Variants in FAM78A observed in about 807,000 individuals in gnomAD.
FAM78A encodes the protein protein FAM78A.
A neutral mutation model predicts 22.6 loss-of-function variants in FAM78A; 12 were observed. That is an observed-to-expected ratio of 0.53 (90% CI 0.34 to 0.86). FAM78A has a LOEUF of 0.86. FAM78A is among the 40% of genes least tolerant of loss of function. The pLI is 0.02. For synonymous variants in FAM78A, 151 were observed against 155.8 expected (o/e 0.97, Z 0.23); for missense variants, 322 against 396.1 (o/e 0.81, Z 1.59).
At chr9:131,268,300 T>G (rs1190571063) in intron 1 of FAM78A, among the ~76,000 whole-genome samples, 1 of 152,078 alleles carries the variant, frequency 6.6e-6, no homozygotes, top group Non-Finnish European at 1.5e-5. Context: ...TGGACAGGCA[T>G]CCTGGGTTCC....
At position 131,260,876 on chromosome 9, in the gene FAM78A, C is replaced by T; in HGVS notation, c.798G>A (p.Met266Ile). ...GCGGCTGCCCGTACTTGGGCCGCCACATGAGGACCTGGGCATCGTTGGCAT... is the reference window on the plus strand; with the variant it reads ...GCGGCTGCCCGTACTTGGGCCGCCATATGAGGACCTGGGCATCGTTGGCAT... ...KPNANDAQVL[M>I]WRPKYGQPLV... is the part of the protein sequence containing the mutation. The change falls in exon 2 of 2, where the codon ATG (methionine) becomes ATA (isoleucine). Residue 266 changes from methionine to isoleucine, a missense_variant. By Grantham distance (10) the Met-to-Ile change is conservative. Transcript: ENST00000372271. The surrounding 1 kb of genome is among the most constrained non-coding windows in gnomAD (Gnocchi z 5.4). 1 of 1,538,678 alleles carries T rather than the reference C, an allele frequency of 6.5e-7. No individual in the cohort carries two copies. Among genetic ancestry groups the T allele is most frequent in the South Asian group, 1.3e-5 (1 of 78,726 alleles).
Position 131,275,865 on chromosome 9 carries a change from C to T in FAM78A, c.315G>A (p.Glu105=), listed in dbSNP as rs1027314827. 6.3e-7 allele frequency: 1 copy of T among 1,589,060 alleles called. No homozygotes were observed. Among genetic ancestry groups the T allele is most frequent in the African/African-American group, 1.3e-5 (1 of 74,718 alleles). ...CTCTCGGCCGTACTCACATGCCCTG[C>T]TCGCCGTACTGGTTGTAGAACTCCA... ...SHMEFYNQYG[E]QGMSSWELPD... The change falls in exon 1 of 2, where the codon GAG becomes GAA. Residue 105 remains glutamate (E), a synonymous_variant. Transcript: ENST00000372271. This position sits in a 1 kb window ranked among gnomAD's most constrained non-coding sequence, Gnocchi z 4.6.
Position 131,261,044 on chromosome 9 carries a change from G to A in FAM78A, c.630C>T (p.His210=), listed in dbSNP as rs755790349. The stretch of plus-strand genomic sequence containing the variant: ...CCTCGATGCTGAGCTGCATGCGCCA[G>A]TGCAGCGTCTGCAGGATGATCATGT... ...TNDMIILQTL[H]WRMQLSIEVN... is the part of the protein sequence containing the mutation. The change falls in exon 2 of 2, where the codon CAC becomes CAT. Residue 210 remains histidine (H), a synonymous_variant. Transcript: ENST00000372271. The surrounding 1 kb of genome is among the most constrained non-coding windows in gnomAD (Gnocchi z 7.1). 5.0e-6 allele frequency: 8 copies of A among 1,614,008 alleles called. No individual in the cohort carries two copies. In the South Asian group the frequency reaches 7.7e-5, roughly 16 times the overall value.
upstream of FAM78A, among the ~76,000 whole-genome samples, chr9:131,278,085 C>G (rs997429564): frequency 3.4e-5 from 5 of 149,110 alleles, no homozygotes; most frequent in African/African-American, 9.7e-5. Context: ...TCCTCCTCCC[C>G]GCCCGCCTGG....
chr9:131,273,333 T>G (rs1296912790), intron 1 of FAM78A, among the ~76,000 whole-genome samples: 2 of 152,142 alleles, frequency 1.3e-5, no homozygotes, highest in African/African-American at 4.8e-5. Context: ...AAGCCGCCCC[T>G]CCCAGGAAGC....
chr9:131,267,960 G>A (rs352966), intron 1 of FAM78A, among the ~76,000 whole-genome samples: 102 of 151,302 alleles, frequency 6.7e-4, no homozygotes, highest in African/African-American at 2.4e-3. Context: ...GTTGAGGCAG[G>A]AGAATGGCAT....
At chr9:131,270,840 T>C (rs1835410400) in intron 1 of FAM78A, among the ~76,000 whole-genome samples, 1 of 152,288 alleles carries the variant, frequency 6.6e-6, no homozygotes, top group African/African-American at 2.4e-5. Context: ...TCTTAGAAGC[T>C]GTGACCACAT....
intron 1 of FAM78A, among the ~76,000 whole-genome samples, chr9:131,269,812 G>A (rs1407704436): frequency 2.0e-5 from 3 of 152,038 alleles, no homozygotes; most frequent in South Asian, 2.1e-4. Flanking sequence ...TCCCCTTCGC[G>A]TGATCATTAA....
At chr9:131,263,761 G>A (rs1835305012) in intron 1 of FAM78A, 2 of 152,654 alleles carry the variant, frequency 1.3e-5, no homozygotes, top group African/African-American at 4.8e-5. Context: ...TTAGGAACAT[G>A]ATTTTGCTAA....
At chr9:131,278,042 A>AGGCGGCGGCGGCGGCGGCGGGCG (rs1835507441), upstream of FAM78A, among the ~76,000 whole-genome samples, 1 of 145,572 alleles carries the variant, frequency 6.9e-6, no homozygotes, top group Non-Finnish European at 1.5e-5. Flanking sequence ...GCAGGTCCGC[A>AGGCGGCGGCGGCGGCGGCGGGCG]GGCGGCGGCG....
chr9:131,280,460 C>A (rs1835530936), upstream of FAM78A, among the ~76,000 whole-genome samples: 1 of 152,160 alleles, frequency 6.6e-6, no homozygotes. Context: ...TGAGTCATTG[C>A]CCAACAGCAC....
At position 131,275,602 on chromosome 9, in the gene FAM78A, G is replaced by A. The variant is rs1835471597; in HGVS notation, c.323+255C>T. ...TCTCTGCTTTCTCGGCATCTTGCAGGGAAGGACACAGGAACCCGGGGGGAA... is the reference window on the plus strand; with the variant it reads ...TCTCTGCTTTCTCGGCATCTTGCAGAGAAGGACACAGGAACCCGGGGGGAA... On this transcript the variant is annotated intron_variant, in intron 1 of 1. Transcript: ENST00000372271. The surrounding 1 kb of genome is among the most constrained non-coding windows in gnomAD (Gnocchi z 4.6). Among the ~76,000 whole-genome samples the A allele has an allele frequency of 6.6e-6, 1 of 152,224 alleles. No homozygotes were observed. Among genetic ancestry groups the A allele is most frequent in the Non-Finnish European group, 1.5e-5 (1 of 68,044 alleles).
chr9:131,271,510 G>A (rs1380336263), intron 1 of FAM78A, among the ~76,000 whole-genome samples: 3 of 152,216 alleles, frequency 2.0e-5, no homozygotes, highest in African/African-American at 7.2e-5. Flanking sequence ...TGGGAACAGT[G>A]AGGCTTGGAA....
rs191811107 is a variant in FAM78A at position 131,275,284 on chromosome 9, C to T, written c.323+573G>A. Among the ~76,000 whole-genome samples, 552 of 152,344 alleles carry T rather than the reference C, an allele frequency of 3.6e-3. 5 individuals carry two copies. Among genetic ancestry groups the T allele is most frequent in the African/African-American group, 0.011 (438 of 41,582 alleles). ...AGAAAGCGATACACTGTGAAGAAAT[C>T]GGGCTTCTAAAACTAACTGTGCTCT... On this transcript the variant is annotated intron_variant, in intron 1 of 1. Transcript: ENST00000372271. The surrounding 1 kb of genome is among the most constrained non-coding windows in gnomAD (Gnocchi z 4.6).
At chr9:131,280,788 T>C (rs925372937), upstream of FAM78A, among the ~76,000 whole-genome samples, 8 of 152,210 alleles carry the variant, frequency 5.3e-5, no homozygotes, top group South Asian at 6.2e-4. Flanking sequence ...AGTGTCTCCT[T>C]GCAGGCATCA....
At chr9:131,263,096 A>G (rs1348308357) in intron 1 of FAM78A, among the ~76,000 whole-genome samples, 2 of 152,034 alleles carry the variant, frequency 1.3e-5, no homozygotes, top group Non-Finnish European at 2.9e-5. Flanking sequence ...AAGATTAGCC[A>G]GGCATGGTGG....
At chr9:131,277,308 C>A (rs1272235041), upstream of FAM78A, among the ~76,000 whole-genome samples, 1 of 151,886 alleles carries the variant, frequency 6.6e-6, no homozygotes, top group African/African-American at 2.4e-5. This position sits in a 1 kb window ranked among gnomAD's most constrained non-coding sequence, Gnocchi z 8.4. Flanking sequence ...CCACCCCGGT[C>A]CCTCCGGCTC....
chr9:131,278,061 G>T (rs1020253771), upstream of FAM78A, among the ~76,000 whole-genome samples: 8 of 147,472 alleles, frequency 5.4e-5, no homozygotes, highest in African/African-American at 2.0e-4. Flanking sequence ...CGGCGGCGGC[G>T]GGCGGGCGCC....
In FAM78A at chr9:131,261,476, C is replaced by G. The variant is rs991999324; in HGVS notation, c.324-126G>C. The G allele has an allele frequency of 1.2e-6, 1 of 833,932 alleles. No homozygotes were observed. The highest frequency in any genetic ancestry group is 1.8e-6 in the Non-Finnish European group (1 of 556,384). The allele number at this position is 833,932 out of a possible 1,614,324, so 51.7% of individuals were successfully genotyped here. ...CGGACCCAGCAGACCACCCGGTCCC[C>G]TTTGACGTTCTGGGGGCAGGGGGTC... is the stretch of plus-strand genomic sequence containing the variant. On this transcript the variant is annotated intron_variant, in intron 1 of 1. Coordinates refer to ENST00000372271, the MANE Select transcript of FAM78A (RefSeq NM_033387.4). The surrounding 1 kb of genome is among the most constrained non-coding windows in gnomAD (Gnocchi z 7.1).
Sources: allele counts gnomAD v4.1 joint callset (sites outside exome capture counted in the v4.1 genomes callset), GRCh38; gene constraint gnomAD v4.1.1; non-coding constraint Gnocchi (gnomAD v3.1); transcripts MANE v1.5; gene names NCBI Gene and HGNC (gene_info 2026-07-23, HGNC 2026-07-21).